Variants in NBPF19 observed in about 807,000 individuals in gnomAD.
NBPF19 encodes the protein NBPF family member NBPF19.
NBPF19 carries 30 observed loss-of-function variants against 45.9 expected under a neutral mutation model. That is an observed-to-expected ratio of 0.65 (90% CI 0.49 to 0.89). The LOEUF is 0.89. NBPF19 is among the 40% of genes least tolerant of loss of function. The pLI is 0.00. For synonymous variants in NBPF19, 183 were observed against 181.2 expected, an observed-to-expected ratio of 1.01 and a Z score of -0.08; for missense variants, 495 against 471.8, an observed-to-expected ratio of 1.05 and a Z score of -0.46.
intron 9 of NBPF19, among the ~76,000 whole-genome samples, chr1:149,487,601 C>G (rs1198302857): frequency 1.3e-5 from 2 of 150,540 alleles, no homozygotes; most frequent in Non-Finnish European, 3.0e-5. Context: ...TTGACCATAC[C>G]TCAAAAGCTG....
chr1:149,554,279 GTCTCTGTCTCTCTC>G (rs1436379533), intron 93 of NBPF19, among the ~76,000 whole-genome samples: 1 of 151,760 alleles, frequency 6.6e-6, no homozygotes, highest in Non-Finnish European at 1.5e-5. Flanking sequence ...CTCTGTCTCT[GTCTCTGTCTCTCTC>G]TCTCTGTCTT....
intron 3 of NBPF19, among the ~76,000 whole-genome samples, chr1:149,478,290 A>C (rs1483205086): frequency 6.6e-6 from 1 of 151,172 alleles, no homozygotes; most frequent in Non-Finnish European, 1.5e-5. Flanking sequence ...TGAAATTTAC[A>C]TAACACAAAA....
chr1:149,521,048 C>T (rs2086703063), intron 51 of NBPF19, among the ~76,000 whole-genome samples: 1 of 65,826 alleles, frequency 1.5e-5, no homozygotes, highest in Admixed American at 1.6e-4. Context: ...TGTCACCTGG[C>T]CAATTCACTA....
chr1:149,487,803 G>GTGTC (rs2085682489), intron 9 of NBPF19, among the ~76,000 whole-genome samples: 15 of 149,018 alleles, frequency 1.0e-4, no homozygotes, highest in African/African-American at 3.7e-4. Context: ...GTGTGTGTGT[G>GTGTC]TGTGTGTGTG....
At chr1:149,478,125 T>C in intron 3 of NBPF19, 78 bp downstream of exon 3, 1 of 976,278 alleles carries the variant, frequency 1.0e-6, no homozygotes, top group Non-Finnish European at 1.6e-6. Context: ...CGGGGAGAAA[T>C]AAGAACGAAG....
chr1:149,478,797 T>G lies in NBPF19; in HGVS notation c.279-83T>G. 2.2e-6 allele frequency: 3 copies of G among 1,336,386 alleles called. No homozygotes were observed. In the South Asian group the frequency reaches 3.5e-5, roughly 16 times the overall value. 82.8% of individuals were successfully genotyped at this position (1,336,386 alleles called of 1,614,324 possible). On this transcript the variant is annotated intron_variant, in intron 3 of 93. Coordinates refer to ENST00000651566, the MANE Select transcript of NBPF19 (RefSeq NM_001351365.2). ...TGCTTGGAGGTCTCCTTGAGGACAT[T>G]GTCTCAGAAGTCTCTGTTGCAATAT...
intron 61 of NBPF19, among the ~76,000 whole-genome samples, chr1:149,528,973 G>C (rs2086921053): frequency 7.6e-6 from 1 of 132,120 alleles, no homozygotes; most frequent in South Asian, 2.5e-4. Flanking sequence ...GTGTGTGTGT[G>C]TGTCTATCTG....
At chr1:149,478,469 A>G (rs1391511082) in intron 3 of NBPF19, among the ~76,000 whole-genome samples, 2 of 151,032 alleles carry the variant, frequency 1.3e-5, no homozygotes, top group Non-Finnish European at 3.0e-5. Flanking sequence ...TTCTTCTTTC[A>G]TCTTTTCAAT....
chr1:149,479,082 A>T lies in NBPF19; in HGVS notation c.481A>T (p.Lys161Ter). The change falls in exon 4 of 94, where the codon AAG becomes TAG. Residue 161 changes from lysine (K) to a stop codon, truncating the protein, a stop_gained. Transcript: ENST00000651566. LOFTEE classifies it high-confidence loss of function. ...GCRLAQHLVQKLSPENDNDDD... is the reference protein window; with the variant it reads ...GCRLAQHLVQ ...TAGACTGGCACAGCACCTTGTCCAA[A>T]AGCTCAGCCCAGGTAAGGTGGCCAT... 1.9e-6 allele frequency: 3 copies of T among 1,553,632 alleles called. No homozygotes were observed. Among genetic ancestry groups the T allele is most frequent in the Non-Finnish European group, 2.7e-6 (3 of 1,128,040 alleles).
Position 149,477,794 on chromosome 1 carries a change from A to G in NBPF19, c.176-151A>G, listed in dbSNP as rs1243376186. The stretch of plus-strand genomic sequence containing the variant: ...GGATCAGATGCCAGAAAGTCAGGAG[A>G]CTGAAGAATAAAGATGTGGAAATCC... On this transcript the variant is annotated intron_variant, in intron 2 of 93. Coordinates refer to ENST00000651566, the MANE Select transcript of NBPF19 (RefSeq NM_001351365.2). The G allele has an allele frequency of 2.3e-6, 2 of 858,888 alleles. 1 individual carries two copies. Among genetic ancestry groups the G allele is most frequent in the African/African-American group, 3.4e-5 (2 of 59,098 alleles). The allele number at this position is 858,888 out of a possible 1,614,324, so 53.2% of individuals were successfully genotyped here. A position where few individuals can be genotyped will look rare whatever the true frequency, so the allele number is the denominator to read the frequency against.
At chr1:149,528,939 C>G (rs1225330355) in intron 61 of NBPF19, among the ~76,000 whole-genome samples, 1 of 118,562 alleles carries the variant, frequency 8.4e-6, no homozygotes, top group African/African-American at 3.3e-5. Context: ...AGCTCGTTCT[C>G]TCTCTCTGTG....
At chr1:149,484,508 A>C in intron 7 of NBPF19, among the ~76,000 whole-genome samples, 1 of 145,954 alleles carries the variant, frequency 6.9e-6, no homozygotes, top group Non-Finnish European at 1.5e-5. Context: ...AAAAATATAT[A>C]TATATATACA....
chr1:149,484,420 C>T (rs1463468506), intron 7 of NBPF19, among the ~76,000 whole-genome samples: 1 of 142,038 alleles, frequency 7.0e-6, no homozygotes, highest in African/African-American at 2.6e-5. Flanking sequence ...ATGGGTGAAG[C>T]ACGCCAATGT....
intron 51 of NBPF19, among the ~76,000 whole-genome samples, chr1:149,521,077 T>C (rs2086707814): frequency 2.5e-5 from 2 of 79,938 alleles, no homozygotes; most frequent in Admixed American, 2.7e-4. Flanking sequence ...TCTCTCTGTC[T>C]CTGTCTCTGT....
chr1:149,481,222 T>C (rs2085160934), intron 6 of NBPF19, among the ~76,000 whole-genome samples: 4 of 131,024 alleles, frequency 3.1e-5, no homozygotes, highest in African/African-American at 6.0e-5. Flanking sequence ...CCATGGAGTT[T>C]CTATGCCTGT....
intron 9 of NBPF19, 38 bp from the exon 10 acceptor site, chr1:149,487,975 C>G: frequency 1.4e-6 from 1 of 693,670 alleles, no homozygotes; most frequent in Non-Finnish European, 2.7e-6. Context: ...GTTTCTGATT[C>G]CCCCTGGCTT....
Position 149,480,192 on chromosome 1 carries a change from G to C in NBPF19, c.544G>C (p.Val182Leu). The change falls in exon 5 of 94, where the codon GTG becomes CTG. Residue 182 changes from valine (V) to leucine (L), a missense_variant. Transcript: ENST00000651566. ...EDVQVEVAEKVQKSSAPREMQ... is the reference protein window; with the variant it reads ...EDVQVEVAEKLQKSSAPREMQ... Reference sequence around the variant, plus strand: ...TGTTCAAGTTGAGGTGGCTGAGAAAGTGCAGAAATCGTCTGCCCCCAGGTA... The same window carrying C: ...TGTTCAAGTTGAGGTGGCTGAGAAACTGCAGAAATCGTCTGCCCCCAGGTA... 1.4e-6 allele frequency: 1 copy of C among 719,840 alleles called. No homozygotes were observed. The highest frequency in any genetic ancestry group is 2.5e-6 in the Non-Finnish European group (1 of 399,362). The allele number at this position is 719,840 out of a possible 1,614,324, so 44.6% of individuals were successfully genotyped here.
rs1161630221 is a variant in NBPF19, at chr1:149,554,459, C to T, written c.11289-36C>T. On this transcript the variant is annotated intron_variant, in intron 93 of 93. Coordinates refer to ENST00000651566, the MANE Select transcript of NBPF19 (RefSeq NM_001351365.2). ...GTGGGGCTCTGTGGTGTCTGATTTT[C>T]CCTGGCTGCTTCTTTAGTTTTGTCT... 4 of 1,607,844 alleles carry T rather than the reference C, an allele frequency of 2.5e-6. No individual in the cohort carries two copies. In the South Asian group the frequency reaches 3.3e-5, roughly 13 times the overall value.
chr1:149,486,608 A>C (rs2085519919), intron 8 of NBPF19, among the ~76,000 whole-genome samples: 1 of 151,358 alleles, frequency 6.6e-6, no homozygotes, highest in African/African-American at 2.4e-5. Flanking sequence ...GTTGTCTGTC[A>C]GATCAGCTCA....
Sources: allele counts gnomAD v4.1 joint callset (sites outside exome capture counted in the v4.1 genomes callset), GRCh38; gene constraint gnomAD v4.1.1; transcripts MANE v1.5; gene names NCBI Gene and HGNC (gene_info 2026-07-23, HGNC 2026-07-21).